Variants in PHYKPL observed in about 807,000 individuals in gnomAD.
PHYKPL encodes the protein 5-phosphohydroxy-L-lysine phospho-lyase, also known as 5-phosphonooxy-L-lysine phospho-lyase.
A neutral mutation model predicts 51.3 loss-of-function variants in PHYKPL; 42 were observed. The observed-to-expected ratio is 0.82, with a 90% CI of 0.64 to 1.06. The LOEUF is 1.06. Ranked by LOEUF, PHYKPL falls within the 50% of genes least tolerant of loss-of-function variation. The pLI is 0.00. For synonymous variants in PHYKPL, 264 were observed against 236.0 expected (o/e 1.12, Z -1.09); for missense variants, 655 against 586.6 (o/e 1.12, Z -1.20).
intron 1 of PHYKPL, 21 bp downstream of exon 1, chr5:178,232,471 G>T: frequency 1.6e-6 from 2 of 1,219,526 alleles, no homozygotes; most frequent in Non-Finnish European, 2.1e-6. Flanking sequence ...GCCCCCCGCC[G>T]CCCGCCCCCC....
At chr5:178,223,232 C>A (rs1761566751) in intron 6 of PHYKPL, 15 of 414,178 alleles carry the variant, frequency 3.6e-5, no homozygotes, top group South Asian at 3.0e-4. Context: ...ATCCACGCCT[C>A]CTCCCTCAAC....
rs375865837 is a variant in PHYKPL, at chr5:178,213,121, C to G, written c.1173-18G>C. 2.0e-5 allele frequency: 33 copies of G among 1,613,092 alleles called. No homozygotes were observed. The African/African-American group carries it at 3.2e-4, about 16-fold the overall frequency. ...CCTTCAGCCTGTGAGGACAGGACAC[C>G]CCTTCACATGGCCTTCAAGGCCTTC... On this transcript the variant is annotated intron_variant, in intron 10 of 12. Transcript: ENST00000308158.
At chr5:178,224,877 C>G in intron 4 of PHYKPL, 148 bp from the exon 5 acceptor site, 1 of 627,698 alleles carries the variant, frequency 1.6e-6, no homozygotes, top group Non-Finnish European at 2.8e-6. Context: ...GGAAAGAGCA[C>G]AAGCTTTGGA....
intron 8 of PHYKPL, among the ~76,000 whole-genome samples, chr5:178,221,630 T>C (rs1170957330): frequency 6.6e-6 from 1 of 152,188 alleles, no homozygotes; most frequent in Non-Finnish European, 1.5e-5. Flanking sequence ...CAATTCAAAC[T>C]GGCTCTTTTT....
chr5:178,230,355 A>T, intron 2 of PHYKPL: 3 of 435,804 alleles, frequency 6.9e-6, no homozygotes, highest in African/African-American at 2.1e-5. Flanking sequence ...GTCTTTAAGG[A>T]GGACTTTTTT....
At chr5:178,219,488 C>T (rs1352346853) in intron 8 of PHYKPL, among the ~76,000 whole-genome samples, 7 of 150,008 alleles carry the variant, frequency 4.7e-5, no homozygotes, top group African/African-American at 9.8e-5. Context: ...GAGTCTCTGT[C>T]GCCCAGGCTG....
intron 8 of PHYKPL, among the ~76,000 whole-genome samples, chr5:178,220,875 T>C (rs1400524895): frequency 1.3e-5 from 2 of 152,164 alleles, no homozygotes; most frequent in East Asian, 1.9e-4. Context: ...CTTAGTGATA[T>C]GTTAGTAGAA....
At chr5:178,227,071 C>A (rs561973196) in intron 3 of PHYKPL, among the ~76,000 whole-genome samples, 2 of 152,102 alleles carry the variant, frequency 1.3e-5, no homozygotes, top group African/African-American at 4.8e-5. Context: ...TGCACCCCCC[C>A]ACCCCCAATT....
At chr5:178,213,250 G>A in intron 10 of PHYKPL, 147 bp from the exon 11 acceptor site, 1 of 1,118,604 alleles carries the variant, frequency 8.9e-7, no homozygotes, top group Non-Finnish European at 1.3e-6. Flanking sequence ...ACCTCTCCCA[G>A]AGTCCTGTGC....
At chr5:178,209,580 T>C in intron 12 of PHYKPL, 1 of 727,596 alleles carries the variant, frequency 1.4e-6, no homozygotes, top group Non-Finnish European at 2.4e-6. Flanking sequence ...CGAACAGGAA[T>C]AGGAACGGCT....
Position 178,230,032 on chromosome 5 carries a change from G to A in PHYKPL, c.246C>T (p.Ser82=). The change falls in exon 3 of 13, where the codon AGC becomes AGT. Residue 82 remains serine (S), a synonymous_variant. Coordinates refer to ENST00000308158, the MANE Select transcript of PHYKPL (RefSeq NM_153373.4). ...CCACGATGTTGTCATGCAGGTACCG[G>A]CTGTTGGTGTTGAGCACCTGGTTCT... is the stretch of plus-strand genomic sequence containing the variant. ...HEQNQVLNTN[S]RYLHDNIVDY... is the part of the protein sequence containing the mutation. The A allele has an allele frequency of 6.2e-7, 1 of 1,614,206 alleles. No homozygotes were observed. The highest frequency in any genetic ancestry group is 8.5e-7 in the Non-Finnish European group (1 of 1,180,044).
At chr5:178,222,989 T>C (rs1336494198) in intron 6 of PHYKPL, 55 bp from the exon 7 acceptor site, 45 of 1,556,194 alleles carry the variant, frequency 2.9e-5, no homozygotes, top group Non-Finnish European at 4.0e-5. Flanking sequence ...GTGACCGGCT[T>C]AGCGTGCCCT....
rs1288950566 is a variant in PHYKPL, at chr5:178,222,480, C to A, written c.802G>T (p.Asp268Tyr). The change falls in exon 8 of 13, where the codon GAC becomes TAC. Residue 268 changes from aspartate (D) to tyrosine (Y), a missense_variant. Physicochemically the swap from Asp to Tyr is radical, Grantham distance 160. Transcript: ENST00000308158. ...HFWAFQLQGK[D>Y]FVPDIVTMGK... ...ATGGTGACGATGTCAGGGACGAAGT[C>A]TTTTCCCTGGAGCTGGAAGGCCCAG... 5.0e-6 allele frequency: 8 copies of A among 1,614,136 alleles called. No homozygotes were observed. Among genetic ancestry groups the A allele is most frequent in the Non-Finnish European group, 6.8e-6 (8 of 1,180,060 alleles).
intron 8 of PHYKPL, among the ~76,000 whole-genome samples, chr5:178,221,160 G>A (rs963057781): frequency 1.3e-5 from 2 of 152,212 alleles, no homozygotes; most frequent in Admixed American, 6.5e-5. Flanking sequence ...GATGTTGAGA[G>A]TCTTCCATGA....
chr5:178,232,330 C>A (rs1763646830), intron 1 of PHYKPL, 162 bp downstream of exon 1: 2 of 1,271,978 alleles, frequency 1.6e-6, no homozygotes, highest in Non-Finnish European at 2.0e-6. Flanking sequence ...CCGCCTCGGG[C>A]CCTAGAAGCT....
At chr5:178,232,200 G>A in intron 1 of PHYKPL, 2 of 1,251,646 alleles carry the variant, frequency 1.6e-6, no homozygotes, top group Non-Finnish European at 2.0e-6. Flanking sequence ...TGCCAAGCGA[G>A]GCTGACACAG....
chr5:178,219,333 TACAC>T (rs971470702), intron 8 of PHYKPL, among the ~76,000 whole-genome samples: 16 of 150,830 alleles, frequency 1.1e-4, no homozygotes, highest in East Asian at 3.9e-4. Context: ...TGTTGGTATA[TACAC>T]ACACACACAG....
chr5:178,214,753 T>G, intron 10 of PHYKPL, 43 bp downstream of exon 10: 1 of 1,566,406 alleles, frequency 6.4e-7, no homozygotes, highest in Non-Finnish European at 8.8e-7. Flanking sequence ...GTACCTGTGG[T>G]GTCTCCTACT....
chr5:178,231,589 C>T (rs758986345), intron 1 of PHYKPL, 66 bp from the exon 2 acceptor site: 10 of 1,611,288 alleles, frequency 6.2e-6, no homozygotes, highest in Non-Finnish European at 8.5e-6. Context: ...CTACTCATCG[C>T]AGACCCCCGC....
Sources: gnomAD v4.1 joint callset for allele counts (sites outside exome capture counted in the v4.1 genomes callset) on GRCh38, gnomAD v4.1.1 for gene constraint, MANE v1.5 for transcripts, NCBI Gene and HGNC (gene_info 2026-07-23, HGNC 2026-07-21) for gene names.